Variants in DNAJC11 observed in about 807,000 individuals in gnomAD.
DNAJC11 encodes the protein dnaJ homolog subfamily C member 11.
DNAJC11 carries 15 observed loss-of-function variants against 78.6 expected under a neutral mutation model. The ratio of observed to expected loss-of-function variants is 0.19; its 90% CI spans 0.13 to 0.29. The LOEUF (loss-of-function observed/expected upper bound fraction) is 0.29, where lower values mean the gene tolerates loss of function less well. DNAJC11 is among the 10% of genes least tolerant of loss of function. DNAJC11 has a pLI of 1.00. For missense variants in DNAJC11, 547 were observed against 709.6 expected, an observed-to-expected ratio of 0.77 and a Z score of 2.60; for synonymous variants, 292 against 272.1, an observed-to-expected ratio of 1.07 and a Z score of -0.72.
rs1323256622 is a variant in DNAJC11 at position 6,696,342 on chromosome 1, C to T, written c.72+5387G>A. 4.6e-5 allele frequency among the ~76,000 whole-genome samples: 7 copies of T among 152,306 alleles called. No individual in the cohort carries two copies. In the East Asian group the frequency reaches 5.8e-4, roughly 13 times the overall value. On this transcript the variant is annotated intron_variant, in intron 1 of 15. Transcript: ENST00000377577. ...ACCTCACTGCTTTAGGTATTTGAGTCGCTCAAATTGGCACAGTTGAGCCTT... is the reference window on the plus strand; with the variant it reads ...ACCTCACTGCTTTAGGTATTTGAGTTGCTCAAATTGGCACAGTTGAGCCTT...
chr1:6,664,512 A>T (rs1642266452), intron 4 of DNAJC11, among the ~76,000 whole-genome samples: 1 of 152,172 alleles, frequency 6.6e-6, no homozygotes, highest in Admixed American at 6.5e-5. Flanking sequence ...TGCTGGGATT[A>T]CAAGCGTGAG....
intron 4 of DNAJC11, 107 bp from the exon 5 acceptor site, chr1:6,654,146 T>A (rs1642094956): frequency 1.4e-6 from 2 of 1,424,540 alleles, no homozygotes; most frequent in African/African-American, 1.4e-5. Flanking sequence ...GTCATTTGAC[T>A]TCAGGGTTCA....
In DNAJC11 at chr1:6,680,842, T is replaced by A; in HGVS notation, c.202+66A>T. 1.3e-6 allele frequency: 2 copies of A among 1,586,278 alleles called. No homozygotes were observed. The highest frequency in any genetic ancestry group is 1.7e-6 in the Non-Finnish European group (2 of 1,161,378). On this transcript the variant is annotated intron_variant, in intron 2 of 15. Transcript: ENST00000377577. This position sits in a 1 kb window ranked among gnomAD's most constrained non-coding sequence, Gnocchi z 4.0. ...ACTCTCTTTTTCTATCCTCTACAAATCGCACCTCCTAAAAATCGAATATCT... is the reference window on the plus strand; with the variant it reads ...ACTCTCTTTTTCTATCCTCTACAAAACGCACCTCCTAAAAATCGAATATCT...
At chr1:6,636,051 C>T (rs1042085398) in intron 15 of DNAJC11, 66 bp downstream of exon 15, 8 of 1,547,994 alleles carry the variant, frequency 5.2e-6, no homozygotes, top group Non-Finnish European at 5.2e-6. Context: ...GCAGCCCACA[C>T]ACTGAGCAGC....
chr1:6,636,125 G>A lies in DNAJC11; in HGVS notation c.1646C>T (p.Pro549Leu). The A allele has an allele frequency of 6.2e-7, 1 of 1,613,936 alleles. No individual in the cohort carries two copies. The highest frequency in any genetic ancestry group is 8.5e-7 in the Non-Finnish European group (1 of 1,179,966). ...AAGGGACGGCTACTCACACTGCTTT[G>A]GTATCCGGAGGGCCTCACTGTCCAG... is the stretch of plus-strand genomic sequence containing the variant. ...MVLDSEALRI[P>L]KQSHRIDTDG The change falls in exon 15 of 16, where the codon CCA becomes CTA. Residue 549 changes from proline (P) to leucine (L), a missense_variant. Pro to Leu is a moderately conservative substitution (Grantham distance 98). Transcript: ENST00000377577.
intron 3 of DNAJC11, among the ~76,000 whole-genome samples, chr1:6,674,718 ACT>A (rs1371567993): frequency 2.0e-5 from 3 of 151,266 alleles, no homozygotes; most frequent in Non-Finnish European, 2.9e-5. Flanking sequence ...ACAAAGTGAG[ACT>A]CTGTCTCAAA....
At chr1:6,669,833 G>A (rs1196301379) in intron 3 of DNAJC11, among the ~76,000 whole-genome samples, 3 of 152,110 alleles carry the variant, frequency 2.0e-5, no homozygotes, top group Admixed American at 6.6e-5. Context: ...AGGGGTATAC[G>A]AAAGCAGATT....
At chr1:6,635,793 G>C in intron 15 of DNAJC11, 93 bp from the exon 16 acceptor site, 3 of 1,484,268 alleles carry the variant, frequency 2.0e-6, no homozygotes, top group Non-Finnish European at 2.8e-6. Context: ...CGGACCAGCA[G>C]CTGGCTGGGC....
At chr1:6,656,731 CAAAA>C (rs33945459) in intron 4 of DNAJC11, among the ~76,000 whole-genome samples, 2 of 123,268 alleles carry the variant, frequency 1.6e-5, no homozygotes, top group Non-Finnish European at 1.7e-5. Context: ...AAACTAAAAC[CAAAA>C]AAAAAAAAAA....
At chr1:6,656,284 A>G (rs1254392623) in intron 4 of DNAJC11, among the ~76,000 whole-genome samples, 2 of 151,288 alleles carry the variant, frequency 1.3e-5, no homozygotes, top group Admixed American at 6.6e-5. Context: ...TTTGTGTAGG[A>G]ATCTTGGTGG....
At position 6,635,024 on chromosome 1, in the gene DNAJC11, AC is replaced by A; in HGVS notation, c.*650del. The A allele has an allele frequency of 2.4e-6, 1 of 418,482 alleles. No homozygotes were observed. Among genetic ancestry groups the A allele is most frequent in the Non-Finnish European group, 3.9e-6 (1 of 259,206 alleles). The allele number at this position is 418,482 out of a possible 1,614,324, so 25.9% of individuals were successfully genotyped here. On this transcript the variant is annotated 3_prime_UTR_variant, in exon 16 of 16. Transcript: ENST00000377577. The stretch of plus-strand genomic sequence containing the variant: ...GGGCTAGGCCCTGGGATCGGGAGTT[AC>A]ACTACCCTGTCCCAAGCCGAGGGGG...
chr1:6,651,840 T>A (rs1642058440), intron 6 of DNAJC11, among the ~76,000 whole-genome samples: 1 of 152,162 alleles, frequency 6.6e-6, no homozygotes, highest in Non-Finnish European at 1.5e-5. Context: ...TTCATTGGTG[T>A]CCCTCCAAAG....
chr1:6,670,233 T>G (rs528054392), intron 3 of DNAJC11, among the ~76,000 whole-genome samples: 17 of 152,068 alleles, frequency 1.1e-4, no homozygotes, highest in Non-Finnish European at 2.1e-4. Context: ...AATACAAGCT[T>G]ATAGCAAAAA....
Position 6,674,807 on chromosome 1 carries a change from T to G in DNAJC11, c.276+3587A>C, listed in dbSNP as rs1414306263. Among the ~76,000 whole-genome samples, 5 of 152,040 alleles carry G rather than the reference T, an allele frequency of 3.3e-5. No individual in the cohort carries two copies. The South Asian group carries it at 1.0e-3, about 31-fold the overall frequency. ...TGTACATTCTAAAGAAGCTCCAGGGTTGGGGAGTGATTTCTAGTTGGTGGA... is the reference window on the plus strand; with the variant it reads ...TGTACATTCTAAAGAAGCTCCAGGGGTGGGGAGTGATTTCTAGTTGGTGGA... On this transcript the variant is annotated intron_variant, in intron 3 of 15. Transcript: ENST00000377577.
chr1:6,646,633 G>C (rs189720702), intron 7 of DNAJC11, among the ~76,000 whole-genome samples: 1 of 152,178 alleles, frequency 6.6e-6, no homozygotes, highest in African/African-American at 2.4e-5. Flanking sequence ...CAGGCAAAGC[G>C]AGCACAGGAA....
chr1:6,650,174 G>A (rs1642032664), intron 7 of DNAJC11, among the ~76,000 whole-genome samples: 1 of 151,846 alleles, frequency 6.6e-6, no homozygotes, highest in African/African-American at 2.4e-5. Flanking sequence ...TACTCAGGAG[G>A]GTCACCTGAG....
In DNAJC11 at chr1:6,653,704, A is replaced by T; in HGVS notation, c.507+207T>A. The T allele has an allele frequency of 1.8e-6, 1 of 557,528 alleles. No homozygotes were observed. Among genetic ancestry groups the T allele is most frequent in the Non-Finnish European group, 2.9e-6 (1 of 341,378 alleles). 34.5% of individuals were successfully genotyped at this position (557,528 alleles called of 1,614,324 possible). A position where few individuals can be genotyped will look rare whatever the true frequency, so the allele number is the denominator to read the frequency against. On this transcript the variant is annotated intron_variant, in intron 5 of 15. Transcript: ENST00000377577. The surrounding 1 kb of genome is among the most constrained non-coding windows in gnomAD (Gnocchi z 4.5). ...CAAGACCTTGGGAGCCAAGTGCCCC[A>T]GCCCACACTCCTGCTGGCTCACATG...
rs113571259 is a variant in DNAJC11 at position 6,634,574 on chromosome 1, C to G, written c.*1101G>C. The G allele has an allele frequency of 4.4e-6, 6 of 1,365,852 alleles. No individual in the cohort carries two copies. Among genetic ancestry groups the G allele is most frequent in the Non-Finnish European group, 5.9e-6 (6 of 1,021,714 alleles). 84.6% of individuals were successfully genotyped at this position (1,365,852 alleles called of 1,614,324 possible). A position where few individuals can be genotyped will look rare whatever the true frequency, so the allele number is the denominator to read the frequency against. On this transcript the variant is annotated 3_prime_UTR_variant, in exon 16 of 16. Coordinates refer to ENST00000377577, the MANE Select transcript of DNAJC11 (RefSeq NM_018198.4). ...TGCTCCGAGGGGTCAGCAAGAGCAA[C>G]TGATGGCTGCCACTTCCAGGCCCCG...
chr1:6,642,269 C>T (rs575779011), intron 10 of DNAJC11, among the ~76,000 whole-genome samples: 120 of 152,230 alleles, frequency 7.9e-4, no homozygotes, highest in Admixed American at 5.2e-3. Context: ...AGAAGACAGA[C>T]GTGAACTGCC....
Sources: allele counts gnomAD v4.1 joint callset (sites outside exome capture counted in the v4.1 genomes callset), GRCh38; gene constraint gnomAD v4.1.1; non-coding constraint Gnocchi (gnomAD v3.1); transcripts MANE v1.5; gene names NCBI Gene and HGNC (gene_info 2026-07-23, HGNC 2026-07-21).